The following EPB41L4A variants were observed in gnomAD, a reference collection of about 807,000 sequenced individuals.
The protein encoded by EPB41L4A is band 4.1-like protein 4A.
A neutral mutation model predicts 108.6 loss-of-function variants in EPB41L4A; 100 were observed. The observed-to-expected ratio is 0.92, with a 90% CI of 0.78 to 1.09. The LOEUF is 1.09. Among genes scored for constraint, EPB41L4A ranks in the 50% least tolerant of loss-of-function variants. The probability of loss-of-function intolerance (pLI) is 0.00; values close to 1 mark genes in which losing one functional copy is unlikely to be tolerated. For synonymous variants in EPB41L4A, 319 were observed against 289.0 expected, an observed-to-expected ratio of 1.10 and a Z score of -1.05; for missense variants, 1,030 against 842.7, an observed-to-expected ratio of 1.22 and a Z score of -2.75.
intron 12 of EPB41L4A, among the ~76,000 whole-genome samples, chr5:112,211,071 C>T (rs1762714896): frequency 6.6e-6 from 1 of 152,068 alleles, no homozygotes; most frequent in African/African-American, 2.4e-5. Context: ...CAAAATAATC[C>T]TATGAAGTAG....
intron 1 of EPB41L4A, among the ~76,000 whole-genome samples, chr5:112,393,287 T>C (rs936076833): frequency 1.3e-5 from 2 of 152,016 alleles, no homozygotes; most frequent in South Asian, 4.2e-4. Flanking sequence ...CATCAAAAAA[T>C]TAATGAATCC....
At chr5:112,275,940 C>T (rs776956862) in intron 3 of EPB41L4A, among the ~76,000 whole-genome samples, 9 of 151,996 alleles carry the variant, frequency 5.9e-5, no homozygotes, top group Admixed American at 4.6e-4. Flanking sequence ...TCTAAATTTC[C>T]GAGCACAGAA....
intron 1 of EPB41L4A, among the ~76,000 whole-genome samples, chr5:112,415,254 G>C (rs184650833): frequency 1.7e-3 from 265 of 152,164 alleles, no homozygotes; most frequent in African/African-American, 6.1e-3. Flanking sequence ...AGGATGATTG[G>C]GAAGTAACAT....
chr5:112,346,052 A>T (rs541119054), intron 1 of EPB41L4A, among the ~76,000 whole-genome samples: 19 of 152,116 alleles, frequency 1.2e-4, no homozygotes, highest in African/African-American at 4.1e-4. Flanking sequence ...TAGAAAGACT[A>T]AGAACAAGAC....
At chr5:112,232,128 A>AAGAGAG (rs1170094950) in intron 12 of EPB41L4A, among the ~76,000 whole-genome samples, 11 of 145,380 alleles carry the variant, frequency 7.6e-5, no homozygotes, top group African/African-American at 2.8e-4. Flanking sequence ...AAAAAAAAAA[A>AAGAGAG]AGAGAGAGAG....
chr5:112,412,162 T>C (rs1485652320), intron 1 of EPB41L4A, among the ~76,000 whole-genome samples: 5 of 152,334 alleles, frequency 3.3e-5, no homozygotes, highest in Admixed American at 6.5e-5. Context: ...CTTTTGGTTA[T>C]TGTCTGTGTG....
At chr5:112,359,601 C>T (rs1033914202) in intron 1 of EPB41L4A, among the ~76,000 whole-genome samples, 5 of 150,886 alleles carry the variant, frequency 3.3e-5, no homozygotes, top group Non-Finnish European at 7.4e-5. Context: ...AGTGCAGTGG[C>T]GCGATCTCAG....
chr5:112,397,299 C>T (rs1159043003), intron 1 of EPB41L4A, among the ~76,000 whole-genome samples: 1 of 152,128 alleles, frequency 6.6e-6, no homozygotes, highest in Non-Finnish European at 1.5e-5. Flanking sequence ...AGTAAAAATA[C>T]TAATTTTATA....
At chr5:112,216,291 G>C (rs1040575061) in intron 12 of EPB41L4A, among the ~76,000 whole-genome samples, 1 of 152,166 alleles carries the variant, frequency 6.6e-6, no homozygotes, top group Admixed American at 6.5e-5. Flanking sequence ...CAATTAAATA[G>C]GATTACGAGT....
At chr5:112,250,884 T>C (rs1353317075) in intron 9 of EPB41L4A, 2 of 152,218 alleles carry the variant, frequency 1.3e-5, no homozygotes, top group African/African-American at 4.8e-5. Context: ...TGCCCAACTT[T>C]GCACTAGGTG....
At chr5:112,152,241 AT>A (rs1177956550) in intron 12 of EPB41L4A, among the ~76,000 whole-genome samples, 1 of 152,212 alleles carries the variant, frequency 6.6e-6, no homozygotes, top group African/African-American at 2.4e-5. Context: ...GAAGAACAAA[AT>A]AAAATGGTAG....
chr5:112,399,839 A>G (rs1180380413), intron 1 of EPB41L4A, among the ~76,000 whole-genome samples: 1 of 152,196 alleles, frequency 6.6e-6, no homozygotes, highest in African/African-American at 2.4e-5. Context: ...TAGGAGCTCC[A>G]GTGGGCATCC....
chr5:112,271,909 G>A (rs766206714), intron 4 of EPB41L4A, among the ~76,000 whole-genome samples: 5 of 152,098 alleles, frequency 3.3e-5, no homozygotes, highest in Non-Finnish European at 7.4e-5. Context: ...CAGAATATAC[G>A]ACCTGAAAGT....
intron 17 of EPB41L4A, among the ~76,000 whole-genome samples, chr5:112,186,771 G>T (rs899942570): frequency 3.3e-5 from 5 of 152,156 alleles, no homozygotes; most frequent in Admixed American, 6.5e-5. Context: ...CTCATTACAA[G>T]AATGAAAGTG....
intron 1 of EPB41L4A, among the ~76,000 whole-genome samples, chr5:112,353,002 T>C (rs7737622): frequency 0.069 from 10,578 of 152,238 alleles, 1,010 homozygotes; most frequent in African/African-American, 0.22. Context: ...GATGTATCTA[T>C]AGTGTTGGTT....
At chr5:112,304,219 C>A (rs1397416655) in intron 2 of EPB41L4A, among the ~76,000 whole-genome samples, 1 of 152,144 alleles carries the variant, frequency 6.6e-6, no homozygotes, top group Non-Finnish European at 1.5e-5. Context: ...GCAGCAGACC[C>A]AGGACCTAAT....
In EPB41L4A at chr5:112,172,356, CA is replaced by C. The variant is rs1337703322; in HGVS notation, c.1623-1365del. 4.0e-5 allele frequency among the ~76,000 whole-genome samples: 6 copies of C among 151,794 alleles called. No homozygotes were observed. The East Asian group carries it at 1.2e-3, about 29-fold the overall frequency. ...CAAAACCCCATCTCTACTAAAAATA[CA>C]AAAAATTAGCTGGGCATGGTGGCAT... On this transcript the variant is annotated intron_variant, in intron 18 of 22. Transcript: ENST00000261486.
intron 4 of EPB41L4A, among the ~76,000 whole-genome samples, chr5:112,270,060 G>A (rs1393136648): frequency 1.3e-5 from 2 of 152,180 alleles, no homozygotes; most frequent in Non-Finnish European, 2.9e-5. Context: ...ACAAGTTGTT[G>A]AGGACCATTA....
rs759860400 is a variant in EPB41L4A, at chr5:112,275,404, G to C, written c.257C>G (p.Thr86Ser). The change falls in exon 4 of 23, where the codon ACT (threonine) becomes AGT (serine). Residue 86 changes from threonine (T) to serine (S), a missense_variant and splice_region_variant. By Grantham distance (58) the Thr-to-Ser change is moderately conservative (BLOSUM62 1). Transcript: ENST00000261486. ...AAAATACAAAGTATATGGAGGTCCA[G>C]CTAAAATAAGAAATAGAAATTAAAT... ...TLAEHKELIN[T>S]GPPYTLYFGI... is the part of the protein sequence containing the mutation. 3.3e-6 allele frequency: 5 copies of C among 1,533,486 alleles called. No individual in the cohort carries two copies. In the South Asian group the frequency reaches 3.7e-5, roughly 11 times the overall value. 95.0% of individuals were successfully genotyped at this position (1,533,486 alleles called of 1,614,324 possible). A position where few individuals can be genotyped will look rare whatever the true frequency, so the allele number is the denominator to read the frequency against.
Sources: gnomAD v4.1 joint callset for allele counts (sites outside exome capture counted in the v4.1 genomes callset) on GRCh38, gnomAD v4.1.1 for gene constraint, MANE v1.5 for transcripts, NCBI Gene and HGNC (gene_info 2026-07-23, HGNC 2026-07-21) for gene names.